The following CHCHD3 variants were observed in gnomAD, a reference collection of about 807,000 sequenced individuals.
CHCHD3 encodes the protein MICOS complex subunit MIC19.
Under a neutral mutation model 38.2 loss-of-function variants are expected in CHCHD3, and 20 were observed. That is an observed-to-expected ratio of 0.52 (90% CI 0.37 to 0.76). CHCHD3 has a LOEUF of 0.76. Ranked by LOEUF, CHCHD3 falls within the 30% of genes least tolerant of loss-of-function variation. The probability of loss-of-function intolerance (pLI) is 0.00; values close to 1 mark genes in which losing one functional copy is unlikely to be tolerated. For missense variants in CHCHD3, 245 were observed against 279.2 expected (o/e 0.88, Z 0.87); for synonymous variants, 82 against 100.0 (o/e 0.82, Z 1.07).
At chr7:132,834,173 A>C (rs770435706) in intron 6 of CHCHD3, among the ~76,000 whole-genome samples, 14 of 152,202 alleles carry the variant, frequency 9.2e-5, no homozygotes, top group Non-Finnish European at 1.9e-4. Flanking sequence ...GTCTTACAAA[A>C]GTCCTGATTA....
intron 5 of CHCHD3, among the ~76,000 whole-genome samples, chr7:132,882,759 C>T (rs1234895367): frequency 6.6e-6 from 1 of 151,966 alleles, no homozygotes; most frequent in Admixed American, 6.6e-5. Flanking sequence ...CATAGTAAAA[C>T]CTGATGACAA....
intron 4 of CHCHD3, among the ~76,000 whole-genome samples, chr7:132,885,956 G>A (rs1158755253): frequency 6.6e-6 from 1 of 152,100 alleles, no homozygotes; most frequent in African/African-American, 2.4e-5. Context: ...CGCTGTAACA[G>A]CTGTGTCCTA....
chr7:132,978,624 A>G (rs1373743554), intron 3 of CHCHD3, among the ~76,000 whole-genome samples: 1 of 152,232 alleles, frequency 6.6e-6, no homozygotes, highest in Middle Eastern at 3.2e-3. Context: ...GCGATGGTAT[A>G]TAAGAAACAA....
chr7:132,872,982 C>T (rs1195144086), intron 5 of CHCHD3, among the ~76,000 whole-genome samples: 1 of 151,994 alleles, frequency 6.6e-6, no homozygotes, highest in Non-Finnish European at 1.5e-5. Context: ...ATCCCAGCTA[C>T]TCGGGAGGCT....
rs756903257 is a variant in CHCHD3 at position 132,885,652 on chromosome 7, A to T, written c.453+10T>A. The T allele has an allele frequency of 3.2e-6, 5 of 1,583,176 alleles. No homozygotes were observed. Among genetic ancestry groups the T allele is most frequent in the Middle Eastern group, 4.0e-4 (2 of 5,058 alleles). ...GTGGTAATAGAATCAATGATAAAAA[A>T]TAGTCATACCCTCTCCTCCAGTCTA... is the stretch of plus-strand genomic sequence containing the variant. On this transcript the variant is annotated intron_variant, in intron 5 of 7. Coordinates refer to ENST00000262570, the MANE Select transcript of CHCHD3 (RefSeq NM_017812.4).
intron 7 of CHCHD3, among the ~76,000 whole-genome samples, chr7:132,789,320 A>C (rs1418192844): frequency 1.3e-5 from 2 of 152,196 alleles, no homozygotes; most frequent in Non-Finnish European, 2.9e-5. Context: ...TTTGCTCATC[A>C]TTCACGTATC....
chr7:132,893,816 GCTTC>G (rs1809428457), intron 4 of CHCHD3, among the ~76,000 whole-genome samples: 1 of 152,148 alleles, frequency 6.6e-6, no homozygotes, highest in Non-Finnish European at 1.5e-5. Flanking sequence ...AAAGGTGCCT[GCTTC>G]CCCTTTGCCT....
chr7:132,824,994 G>A (rs533360103), intron 6 of CHCHD3, among the ~76,000 whole-genome samples: 1 of 152,298 alleles, frequency 6.6e-6, no homozygotes, highest in Admixed American at 6.5e-5. Context: ...CATATGGAAT[G>A]TATAAGATAC....
chr7:133,022,750 C>A (rs10085426), intron 3 of CHCHD3, among the ~76,000 whole-genome samples: 2 of 151,702 alleles, frequency 1.3e-5, no homozygotes, highest in African/African-American at 4.8e-5. Context: ...CCCATTCCAC[C>A]TGAGATATGA....
At chr7:132,890,367 G>C (rs1477122773) in intron 4 of CHCHD3, among the ~76,000 whole-genome samples, 1 of 152,182 alleles carries the variant, frequency 6.6e-6, no homozygotes, top group Admixed American at 6.5e-5. Context: ...ATACTGGGCT[G>C]ATAGAAACTT....
At chr7:133,053,970 A>G (rs1332198715) in intron 2 of CHCHD3, among the ~76,000 whole-genome samples, 1 of 152,250 alleles carries the variant, frequency 6.6e-6, no homozygotes, top group Non-Finnish European at 1.5e-5. Context: ...AACTGCATTA[A>G]ACAATTTATC....
intron 4 of CHCHD3, among the ~76,000 whole-genome samples, chr7:132,941,195 T>C (rs1810758862): frequency 6.6e-6 from 1 of 152,190 alleles, no homozygotes; most frequent in Non-Finnish European, 1.5e-5. Flanking sequence ...AAGAAATAGC[T>C]AAATATTGAT....
At chr7:132,795,836 A>G (rs955418187) in intron 7 of CHCHD3, among the ~76,000 whole-genome samples, 9 of 152,366 alleles carry the variant, frequency 5.9e-5, no homozygotes, top group African/African-American at 1.9e-4. Flanking sequence ...TACATAAATT[A>G]GAGAAAATGC....
intron 7 of CHCHD3, among the ~76,000 whole-genome samples, chr7:132,789,045 A>T (rs886357217): frequency 6.6e-6 from 1 of 152,166 alleles, no homozygotes. Context: ...CTCAGAACTC[A>T]GGGCTTTTGG....
At chr7:132,827,726 C>A (rs1344635394) in intron 6 of CHCHD3, among the ~76,000 whole-genome samples, 1 of 152,204 alleles carries the variant, frequency 6.6e-6, no homozygotes, top group African/African-American at 2.4e-5. Flanking sequence ...ATTCCCACCA[C>A]AGGCAAATGT....
chr7:132,986,438 AAG>A (rs1373369284), intron 3 of CHCHD3, among the ~76,000 whole-genome samples: 1 of 149,440 alleles, frequency 6.7e-6, no homozygotes, highest in African/African-American at 2.5e-5. Flanking sequence ...AAAAAAAAAA[AAG>A]AAAATACAAC....
intron 5 of CHCHD3, among the ~76,000 whole-genome samples, chr7:132,861,706 G>A (rs868084386): frequency 3.3e-5 from 5 of 152,070 alleles, no homozygotes; most frequent in African/African-American, 4.8e-5. Context: ...AAGTAGCCAC[G>A]GACAATACAC....
At chr7:132,843,680 G>A (rs756056806) in intron 5 of CHCHD3, among the ~76,000 whole-genome samples, 102 of 152,304 alleles carry the variant, frequency 6.7e-4, no homozygotes, top group Non-Finnish European at 2.5e-4. Flanking sequence ...CAGAAAGGTT[G>A]CTTTTGTTAT....
chr7:132,979,574 A>G (rs760671745), intron 3 of CHCHD3, among the ~76,000 whole-genome samples: 1 of 95,026 alleles, frequency 1.1e-5, no homozygotes, highest in Non-Finnish European at 2.5e-5. Flanking sequence ...GGGGAAGGAG[A>G]AAGTGTCTTA....
Sources: gnomAD v4.1 joint callset for allele counts (sites outside exome capture counted in the v4.1 genomes callset) on GRCh38, gnomAD v4.1.1 for gene constraint, MANE v1.5 for transcripts, NCBI Gene and HGNC (gene_info 2026-07-23, HGNC 2026-07-21) for gene names.